CCDC85A: variants seen among roughly 807,000 people sequenced by gnomAD.
CCDC85A encodes coiled-coil domain containing 85A.
CCDC85A carries 38 observed loss-of-function variants against 50.2 expected under a neutral mutation model. The observed-to-expected ratio is 0.76, with a 90% CI of 0.58 to 0.99. CCDC85A has a LOEUF of 0.99. Ranked by LOEUF, CCDC85A falls within the 50% of genes least tolerant of loss-of-function variation. CCDC85A has a pLI of 0.00. For synonymous variants in CCDC85A, 366 were observed against 301.4 expected (o/e 1.21, Z -2.22); for missense variants, 820 against 742.0 (o/e 1.11, Z -1.22).
In CCDC85A at chr2:56,185,532, C is replaced by T. The variant is rs1309624657; in HGVS notation, c.276+632C>T. Among the ~76,000 whole-genome samples the T allele has an allele frequency of 3.9e-5, 6 of 152,342 alleles. No homozygotes were observed. The East Asian group carries it at 9.7e-4, about 25-fold the overall frequency. ...GGCATCCCCTGGAGTTGCCTTACTC[C>T]CCTTCCCACTTAACCCCAGGTTGAC... On this transcript the variant is annotated intron_variant, in intron 1 of 5. Transcript: ENST00000407595.
chr2:56,289,676 A>G, intron 2 of CCDC85A, among the ~76,000 whole-genome samples: 1 of 152,164 alleles, frequency 6.6e-6, no homozygotes, highest in East Asian at 1.9e-4. Context: ...CATCCCTACC[A>G]TCTTCTTTCC....
At position 56,331,368 on chromosome 2, in the gene CCDC85A, C is replaced by T. The variant is rs372619105; in HGVS notation, c.1241-11511C>T. Among the ~76,000 whole-genome samples the T allele has an allele frequency of 4.6e-5, 7 of 152,196 alleles. No individual in the cohort carries two copies. In the South Asian group the frequency reaches 1.0e-3, roughly 23 times the overall value. ...CACCTGTATACCTATATAAGCTCCA[C>T]GTTCTGCACATGTATCCCAGAATTA... is the stretch of plus-strand genomic sequence containing the variant. On this transcript the variant is annotated intron_variant, in intron 2 of 5. Transcript: ENST00000407595.
chr2:56,294,552 T>C (rs941835874), intron 2 of CCDC85A, among the ~76,000 whole-genome samples: 2 of 152,238 alleles, frequency 1.3e-5, no homozygotes, highest in African/African-American at 4.8e-5. Context: ...GAATGGCTTC[T>C]TGGAATTAGT....
intron 2 of CCDC85A, among the ~76,000 whole-genome samples, chr2:56,265,303 T>A (rs1670389541): frequency 6.6e-6 from 1 of 152,158 alleles, no homozygotes; most frequent in Non-Finnish European, 1.5e-5. Flanking sequence ...CTATGGAGAG[T>A]TCTGCCTGTG....
At chr2:56,274,471 T>C (rs1393786715) in intron 2 of CCDC85A, among the ~76,000 whole-genome samples, 1 of 152,230 alleles carries the variant, frequency 6.6e-6, no homozygotes, top group East Asian at 1.9e-4. Flanking sequence ...GTAGGGTTTC[T>C]GTGTTGCAGT....
At chr2:56,260,632 T>A (rs1208886749) in intron 2 of CCDC85A, among the ~76,000 whole-genome samples, 1 of 152,196 alleles carries the variant, frequency 6.6e-6, no homozygotes, top group Non-Finnish European at 1.5e-5. Context: ...TTCATGACCT[T>A]CACTAGGCAT....
intron 2 of CCDC85A, among the ~76,000 whole-genome samples, chr2:56,273,918 C>A (rs1670810494): frequency 6.6e-6 from 1 of 152,076 alleles, no homozygotes; most frequent in Non-Finnish European, 1.5e-5. Context: ...AAATGAATTA[C>A]AAACTATGCT....
At chr2:56,247,555 C>A (rs1669566266) in intron 2 of CCDC85A, among the ~76,000 whole-genome samples, 2 of 152,112 alleles carry the variant, frequency 1.3e-5, no homozygotes, top group Admixed American at 6.5e-5. Context: ...AAAATGGGGT[C>A]CTTGAAGCCA....
intron 2 of CCDC85A, among the ~76,000 whole-genome samples, chr2:56,220,766 A>G (rs1668291079): frequency 6.6e-6 from 1 of 152,078 alleles, no homozygotes; most frequent in Non-Finnish European, 1.5e-5. Context: ...GGCTTAACCT[A>G]CAAAATACTG....
intron 3 of CCDC85A, among the ~76,000 whole-genome samples, chr2:56,363,383 G>C (rs1573345003): frequency 2.6e-5 from 4 of 152,106 alleles, no homozygotes; most frequent in Admixed American, 2.0e-4. Context: ...CATTGCTAAC[G>C]CTCCATGATA....
intron 2 of CCDC85A, among the ~76,000 whole-genome samples, chr2:56,300,757 C>T (rs1672165976): frequency 6.6e-6 from 1 of 152,156 alleles, no homozygotes; most frequent in Admixed American, 6.6e-5. Flanking sequence ...AGGTAGCAGT[C>T]TTGGGCATGA....
chr2:56,321,708 C>T (rs78094428), intron 2 of CCDC85A, among the ~76,000 whole-genome samples: 1 of 152,174 alleles, frequency 6.6e-6, no homozygotes, highest in Admixed American at 6.6e-5. Context: ...GTGAAAATGG[C>T]CATATGGCCC....
Position 56,193,233 on chromosome 2 carries a change from G to A in CCDC85A, c.1033G>A (p.Gly345Arg), listed in dbSNP as rs772737505. ...GGAGCATCTTCAGAAACACGCTCTT[G>A]GGGGGAGCCTAGAGCATCTCCCCAG... The part of the protein sequence containing the change: ...SPEHLQKHAL[G>R]GSLEHLPRAR... The change falls in exon 2 of 6, where the codon GGG becomes AGG. Residue 345 changes from glycine (G) to arginine (R), a missense_variant. Gly to Arg is a moderately radical substitution (Grantham distance 125). Transcript: ENST00000407595. The A allele has an allele frequency of 2.5e-6, 4 of 1,613,364 alleles. No individual in the cohort carries two copies. Among genetic ancestry groups the A allele is most frequent in the Non-Finnish European group, 3.4e-6 (4 of 1,179,750 alleles).
intron 3 of CCDC85A, among the ~76,000 whole-genome samples, chr2:56,356,661 G>T (rs946990481): frequency 6.7e-6 from 1 of 150,066 alleles, no homozygotes; most frequent in East Asian, 2.0e-4. Flanking sequence ...GGATGCAGAG[G>T]TTGCAGTGAG....
chr2:56,272,486 C>G (rs1230488515), intron 2 of CCDC85A, among the ~76,000 whole-genome samples: 1 of 152,182 alleles, frequency 6.6e-6, no homozygotes, highest in African/African-American at 2.4e-5. Context: ...CTCCACCTAA[C>G]ATGGTCATGT....
At chr2:56,211,431 C>G (rs1428685518) in intron 2 of CCDC85A, among the ~76,000 whole-genome samples, 1 of 151,896 alleles carries the variant, frequency 6.6e-6, no homozygotes, top group Non-Finnish European at 1.5e-5. Flanking sequence ...GGAGTATGGG[C>G]AAAGCCATTT....
intron 2 of CCDC85A, among the ~76,000 whole-genome samples, chr2:56,219,532 C>T (rs1180560328): frequency 6.6e-6 from 1 of 151,686 alleles, no homozygotes; most frequent in African/African-American, 2.4e-5. Flanking sequence ...TCCCATCTTT[C>T]CTTTGCGTTC....
At chr2:56,374,311 G>A (rs937894816) in intron 4 of CCDC85A, among the ~76,000 whole-genome samples, 29 of 152,130 alleles carry the variant, frequency 1.9e-4, no homozygotes, top group South Asian at 8.3e-4. Context: ...CTAGTGAGGT[G>A]GCAGGGGGAG....
chr2:56,271,393 TCA>T (rs1491493199), intron 2 of CCDC85A, among the ~76,000 whole-genome samples: 2 of 152,112 alleles, frequency 1.3e-5, no homozygotes, highest in African/African-American at 4.8e-5. Flanking sequence ...TTGGCTGGAC[TCA>T]GAGTCCAGGA....
Sources: gnomAD v4.1 joint callset for allele counts (sites outside exome capture counted in the v4.1 genomes callset) on GRCh38, gnomAD v4.1.1 for gene constraint, MANE v1.5 for transcripts, NCBI Gene and HGNC (gene_info 2026-07-23, HGNC 2026-07-21) for gene names.